RBFOX1: variants seen among roughly 807,000 people sequenced by gnomAD.
The protein encoded by RBFOX1 is RNA binding fox-1 homolog 1, also known as RNA binding protein fox-1 homolog 1.
Under a neutral mutation model 57.7 loss-of-function variants are expected in RBFOX1, and 8 were observed. The ratio of observed to expected loss-of-function variants is 0.14; its 90% confidence interval spans 0.08 to 0.25. The LOEUF (loss-of-function observed/expected upper bound fraction) is 0.25. Ranked by LOEUF, RBFOX1 falls within the 10% of genes least tolerant of loss-of-function variation. The pLI is 1.00. For missense variants in RBFOX1, 611 were observed against 548.5 expected, an observed-to-expected ratio of 1.11 and a Z score of -1.14; for synonymous variants, 326 against 222.4, an observed-to-expected ratio of 1.47 and a Z score of -4.15.
intron 3 of RBFOX1, among the ~76,000 whole-genome samples, chr16:7,005,491 T>C (rs7186324): frequency 6.6e-6 from 1 of 152,094 alleles, no homozygotes; most frequent in African/African-American, 2.4e-5. Context: ...AGGAACCCAG[T>C]AATGGCAGGT....
intron 3 of RBFOX1, among the ~76,000 whole-genome samples, chr16:6,743,634 G>A (rs538786609): frequency 2.6e-5 from 4 of 151,886 alleles, no homozygotes; most frequent in East Asian, 1.9e-4. Flanking sequence ...TCCCAGCTAC[G>A]TGGGAGGCTG....
chr16:6,206,986 C>CT (rs35769347), intron 1 of RBFOX1, among the ~76,000 whole-genome samples: 89,830 of 145,844 alleles, frequency 0.62, 27,711 homozygotes, highest in South Asian at 0.79. Flanking sequence ...CAGAAAGCTA[C>CT]TTTTTTTTTT....
At chr16:6,009,279 C>T (rs866066762) in intron 4 of RBFOX1, among the ~76,000 whole-genome samples, 86 of 152,252 alleles carry the variant, frequency 5.6e-4, no homozygotes, top group African/African-American at 1.9e-3. Context: ...CACCTTAAAA[C>T]TGCCAACTCA....
intron 3 of RBFOX1, among the ~76,000 whole-genome samples, chr16:6,832,187 G>T (rs2092755273): frequency 3.9e-5 from 6 of 152,160 alleles, no homozygotes; most frequent in Admixed American, 1.3e-4. Flanking sequence ...TGAATACACT[G>T]TATTTGTATG....
rs2059395888 is a variant in RBFOX1, at chr16:5,946,152, A to G, written c.351+78817A>G. 6.6e-6 allele frequency among the ~76,000 whole-genome samples: 1 copy of G among 152,158 alleles called. No individual in the cohort carries two copies. The highest frequency in any genetic ancestry group is 1.9e-4 in the East Asian group (1 of 5,194). ...TTAATAGACCACCACTCCTGTCCTAACATGGCAGGATGTGATGGAAAGTGC... is the reference window on the plus strand; with the variant it reads ...TTAATAGACCACCACTCCTGTCCTAGCATGGCAGGATGTGATGGAAAGTGC... On this transcript the variant is annotated intron_variant, in intron 4 of 19. Transcript: ENST00000641259. The surrounding 1 kb of genome is among the most constrained non-coding windows in gnomAD (Gnocchi z 4.6).
At position 6,544,057 on chromosome 16, in the gene RBFOX1, G is replaced by T. The variant is rs183790933; in HGVS notation, c.-63-110546G>T. Among the ~76,000 whole-genome samples the T allele has an allele frequency of 2.2e-4, 34 of 152,366 alleles. No homozygotes were observed. The East Asian group carries it at 6.6e-3, about 29-fold the overall frequency. ...AAGTACCTGAGATGCTCTTCTAGGTGTCTGTCTTGTGTGCCATCTGGCCCA... is the reference window on the plus strand; with the variant it reads ...AAGTACCTGAGATGCTCTTCTAGGTTTCTGTCTTGTGTGCCATCTGGCCCA... On this transcript the variant is annotated intron_variant, in intron 2 of 15. Transcript: ENST00000550418.
rs150160203 is a variant in RBFOX1, at chr16:6,932,565, C to G, written c.-15-119492C>G. On this transcript the variant is annotated intron_variant, in intron 3 of 15. Coordinates refer to ENST00000550418, the MANE Select transcript of RBFOX1 (RefSeq NM_018723.4). Reference sequence around the variant, plus strand: ...CACCTATATGGTAGGTGAGTTAGTGCTGGCTGTAGGTCGTAGGCCTCACTT... The same window carrying G: ...CACCTATATGGTAGGTGAGTTAGTGGTGGCTGTAGGTCGTAGGCCTCACTT... Among the ~76,000 whole-genome samples the G allele has an allele frequency of 6.0e-3, 909 of 152,252 alleles. 15 individuals carry two copies. The highest frequency in any genetic ancestry group is 0.02 in the African/African-American group (831 of 41,550).
chr16:5,297,784 A>G (rs34722313), intron 1 of RBFOX1, among the ~76,000 whole-genome samples: 251 of 152,340 alleles, frequency 1.6e-3, no homozygotes, highest in African/African-American at 5.7e-3. Flanking sequence ...AGGTAGACCA[A>G]TAGCTGATTT....
chr16:6,743,840 G>T (rs1603499444), intron 3 of RBFOX1, among the ~76,000 whole-genome samples: 1 of 110,202 alleles, frequency 9.1e-6, no homozygotes. Flanking sequence ...AAAAAATCAT[G>T]TTCATTTATT....
At chr16:6,390,462 G>T (rs58840226) in intron 2 of RBFOX1, among the ~76,000 whole-genome samples, 45,248 of 151,754 alleles carry the variant, frequency 0.3, 7,766 homozygotes, top group South Asian at 0.6. Flanking sequence ...TCAGTGTGCC[G>T]GGCACTGTGT....
chr16:5,354,414 G>GGT (rs1349943087), intron 1 of RBFOX1, among the ~76,000 whole-genome samples: 1 of 152,138 alleles, frequency 6.6e-6, no homozygotes. Flanking sequence ...TGGGCCATGT[G>GGT]ACCTTAGGCA....
chr16:6,650,293 T>TC (rs1347364127), intron 2 of RBFOX1, among the ~76,000 whole-genome samples: 4 of 55,286 alleles, frequency 7.2e-5, no homozygotes, highest in African/African-American at 1.7e-4. Flanking sequence ...TATTTTTTTC[T>TC]TTTTTTGCTG....
chr16:5,995,520 A>G (rs771196624), intron 4 of RBFOX1, among the ~76,000 whole-genome samples: 2 of 152,236 alleles, frequency 1.3e-5, no homozygotes, highest in Non-Finnish European at 2.9e-5. Context: ...GCCAAGTGGA[A>G]TAAGGATACA....
At chr16:7,501,880 T>C (rs1281580064) in intron 4 of RBFOX1, among the ~76,000 whole-genome samples, 3 of 152,224 alleles carry the variant, frequency 2.0e-5, no homozygotes, top group Non-Finnish European at 4.4e-5. Context: ...CCTGTAGCTA[T>C]AGAGGTACCT....
chr16:6,839,803 A>G (rs1220810731), intron 3 of RBFOX1, among the ~76,000 whole-genome samples: 1 of 152,230 alleles, frequency 6.6e-6, no homozygotes, highest in African/African-American at 2.4e-5. Context: ...CATAGCTAAA[A>G]TCATAGCACT....
chr16:5,984,974 ATATTTTTT>A (rs1272692352), intron 4 of RBFOX1, among the ~76,000 whole-genome samples: 8 of 56,242 alleles, frequency 1.4e-4, no homozygotes, highest in East Asian at 6.5e-4. Flanking sequence ...ATATATATAT[ATATTTTTT>A]TTTTTTTTTT....
intron 1 of RBFOX1, among the ~76,000 whole-genome samples, chr16:6,277,814 C>G (rs1360109441): frequency 6.6e-6 from 1 of 152,064 alleles, no homozygotes; most frequent in Non-Finnish European, 1.5e-5. Flanking sequence ...TAGAGACATA[C>G]AAGATTCTGA....
At chr16:6,077,302 A>T (rs940522534) in intron 1 of RBFOX1, among the ~76,000 whole-genome samples, 1 of 137,542 alleles carries the variant, frequency 7.3e-6, no homozygotes, top group Non-Finnish European at 1.6e-5. Context: ...CATATGGAGC[A>T]TTTCTTGCTT....
chr16:7,630,702 C>A lies in RBFOX1; in HGVS notation c.757+19C>A. 6.2e-7 allele frequency: 1 copy of A among 1,613,900 alleles called. No homozygotes were observed. The highest frequency in any genetic ancestry group is 1.1e-5 in the South Asian group (1 of 90,984). ...TCTGCAAGTAAGCCCACTGTCGTGG[C>A]TCTTTTTGTTTTGTGACATAAATCT... On this transcript the variant is annotated intron_variant, in intron 11 of 15. Transcript: ENST00000550418.
Sources: allele counts gnomAD v4.1 joint callset (sites outside exome capture counted in the v4.1 genomes callset), GRCh38; gene constraint gnomAD v4.1.1; non-coding constraint Gnocchi (gnomAD v3.1); transcripts MANE v1.5; gene names NCBI Gene and HGNC (gene_info 2026-07-23, HGNC 2026-07-21).